The following AASDHPPT variants were observed in gnomAD, a reference collection of about 807,000 sequenced individuals.
AASDHPPT encodes the protein L-aminoadipate-semialdehyde dehydrogenase-phosphopantetheinyl transferase.
In AASDHPPT, 23 loss-of-function variants were observed where a neutral mutation model predicts 36.4. The ratio of observed to expected loss-of-function variants is 0.63; its 90% confidence interval spans 0.45 to 0.89. AASDHPPT has a LOEUF of 0.89. Ranked by LOEUF, AASDHPPT falls within the 40% of genes least tolerant of loss-of-function variation. The probability of loss-of-function intolerance (pLI) is 0.00; values close to 1 mark genes in which losing one functional copy is unlikely to be tolerated. For synonymous variants in AASDHPPT, 115 were observed against 128.0 expected, an observed-to-expected ratio of 0.90 and a Z score of 0.68; for missense variants, 377 against 378.2, an observed-to-expected ratio of 1.00 and a Z score of 0.03.
chr11:106,084,305 A>T (rs1438831022), intron 2 of AASDHPPT, among the ~76,000 whole-genome samples: 1 of 152,184 alleles, frequency 6.6e-6, no homozygotes, highest in Non-Finnish European at 1.5e-5. Context: ...TGTTTATAGT[A>T]CTCTATCCAA....
chr11:106,098,488 AG>A lies in AASDHPPT; in HGVS notation c.*1583del, dbSNP rs1306324459. 1 of 151,888 alleles carries A rather than the reference AG, an allele frequency of 6.6e-6. No individual in the cohort carries two copies. The highest frequency in any genetic ancestry group is 1.5e-5 in the Non-Finnish European group (1 of 67,896). The allele number at this position is 151,888 out of a possible 1,614,324, so 9.4% of individuals were successfully genotyped here. A position where few individuals can be genotyped will look rare whatever the true frequency, so the allele number is the denominator to read the frequency against. On this transcript the variant is annotated 3_prime_UTR_variant, in exon 6 of 6. Coordinates refer to ENST00000278618, the MANE Select transcript of AASDHPPT (RefSeq NM_015423.3). ...AAAAGTGTGCAAATTGTATAAAATT[AG>A]GTACTTCGATTAGTAAAAGAAAAAA...
intron 2 of AASDHPPT, among the ~76,000 whole-genome samples, chr11:106,083,467 G>C (rs1441288894): frequency 6.6e-6 from 1 of 152,124 alleles, no homozygotes; most frequent in Non-Finnish European, 1.5e-5. Flanking sequence ...ACCAAAATAT[G>C]AAAAATTCTG....
At chr11:106,090,701 A>G in intron 3 of AASDHPPT, 23 bp downstream of exon 3, 1 of 1,576,792 alleles carries the variant, frequency 6.3e-7, no homozygotes, top group Non-Finnish European at 8.6e-7. Context: ...CTAATTTTGA[A>G]AGCAAAAGTC....
chr11:106,096,965 A>C lies in AASDHPPT; in HGVS notation c.*58A>C. 6.9e-7 allele frequency: 1 copy of C among 1,458,050 alleles called. No homozygotes were observed. The highest frequency in any genetic ancestry group is 9.2e-7 in the Non-Finnish European group (1 of 1,092,430). The allele number at this position is 1,458,050 out of a possible 1,614,324, so 90.3% of individuals were successfully genotyped here. A position where few individuals can be genotyped will look rare whatever the true frequency, so the allele number is the denominator to read the frequency against. ...TGTTTGTGATCTTCCGTATTCACTG[A>C]AAAATAAATGCTTGTTTAGTATCAA... On this transcript the variant is annotated 3_prime_UTR_variant, in exon 6 of 6. Transcript: ENST00000278618.
intron 5 of AASDHPPT, among the ~76,000 whole-genome samples, chr11:106,096,118 T>A (rs1416540970): frequency 6.6e-6 from 1 of 152,114 alleles, no homozygotes; most frequent in African/African-American, 2.4e-5. Flanking sequence ...ACAACATAGC[T>A]ATGAGACCAG....
intron 2 of AASDHPPT, among the ~76,000 whole-genome samples, chr11:106,082,022 A>T (rs7131047): frequency 0.61 from 92,300 of 151,594 alleles, 31,736 homozygotes; most frequent in Non-Finnish European, 0.77. Flanking sequence ...ATAATAATAA[A>T]AAAGAAAAAT....
At chr11:106,081,069 CAG>C (rs1160312599) in intron 2 of AASDHPPT, among the ~76,000 whole-genome samples, 1 of 152,184 alleles carries the variant, frequency 6.6e-6, no homozygotes, top group African/African-American at 2.4e-5. Flanking sequence ...TTAGCCACAT[CAG>C]AGTTTGATCA....
rs922345759 is a variant in AASDHPPT, at chr11:106,098,607, T to C, written c.*1700T>C. On this transcript the variant is annotated 3_prime_UTR_variant, in exon 6 of 6. Transcript: ENST00000278618. ...CAAGTAGCATTTATAATAGAGGAAG[T>C]ATTGTTATCCCTAGCATGAGTGTAA... The C allele has an allele frequency of 1.7e-4, 26 of 152,074 alleles. No individual in the cohort carries two copies. The highest frequency in any genetic ancestry group is 6.3e-4 in the African/African-American group (26 of 41,540). The allele number at this position is 152,074 out of a possible 1,614,324, so 9.4% of individuals were successfully genotyped here.
intron 2 of AASDHPPT, among the ~76,000 whole-genome samples, chr11:106,082,142 A>C (rs1466248645): frequency 6.6e-6 from 1 of 152,128 alleles, no homozygotes; most frequent in Non-Finnish European, 1.5e-5. Flanking sequence ...TTGACTAATC[A>C]CAATGTCTAG....
rs182190891 is a variant in AASDHPPT at position 106,084,002 on chromosome 11, T to C, written c.409+4310T>C. 1.4e-3 allele frequency among the ~76,000 whole-genome samples: 218 copies of C among 152,150 alleles called. 2 individuals are homozygous for C. The highest frequency in any genetic ancestry group is 5.0e-3 in the African/African-American group (206 of 41,546). On this transcript the variant is annotated intron_variant, in intron 2 of 5. Transcript: ENST00000278618. The stretch of plus-strand genomic sequence containing the variant: ...TAACAAATTTGGTAAGGTGTCAATA[T>C]CCATAATATATAAAGAGCTTCTATG...
chr11:106,088,671 T>C (rs776358925), intron 2 of AASDHPPT, among the ~76,000 whole-genome samples: 5 of 152,090 alleles, frequency 3.3e-5, no homozygotes, highest in Admixed American at 6.6e-5. Flanking sequence ...TATTGATGCA[T>C]TGAACAAAAA....
intron 2 of AASDHPPT, chr11:106,086,245 A>C (rs1861195683): frequency 6.6e-6 from 1 of 152,196 alleles, no homozygotes; most frequent in Admixed American, 6.5e-5. Flanking sequence ...TCTAAGAAAG[A>C]ATCCTTCCTT....
At position 106,091,305 on chromosome 11, in the gene AASDHPPT, C is replaced by A. The variant is rs771184832; in HGVS notation, c.532-11C>A. ...CCAAATTCTAAGAGAAAATGTCTTT[C>A]TGTATCTTAGGCACTTAAGGAAAGC... On this transcript the variant is annotated splice_polypyrimidine_tract_variant and intron_variant, in intron 3 of 5. Transcript: ENST00000278618. 6.4e-7 allele frequency: 1 copy of A among 1,573,398 alleles called. No homozygotes were observed.
chr11:106,095,089 G>T lies in AASDHPPT; in HGVS notation c.765+435G>T, dbSNP rs571018420. On this transcript the variant is annotated intron_variant, in intron 5 of 5. Coordinates refer to ENST00000278618, the MANE Select transcript of AASDHPPT (RefSeq NM_015423.3). ...TGCAGTGCACCAAGATCGCACCATT[G>T]CACTCCAGCCTGGGAAACAAGCGAA... Among the ~76,000 whole-genome samples, 9 of 152,146 alleles carry T rather than the reference G, an allele frequency of 5.9e-5. No individual in the cohort carries two copies. The South Asian group carries it at 1.9e-3, about 32-fold the overall frequency.
chr11:106,077,989 G>A, intron 1 of AASDHPPT, 96 bp downstream of exon 1: 2 of 1,437,762 alleles, frequency 1.4e-6, no homozygotes, highest in Non-Finnish European at 1.9e-6. Flanking sequence ...CGCTGGCCGC[G>A]ACCCTCTCGC....
intron 2 of AASDHPPT, among the ~76,000 whole-genome samples, chr11:106,080,711 A>G (rs1000110129): frequency 1.3e-5 from 2 of 152,224 alleles, no homozygotes; most frequent in Admixed American, 1.3e-4. Flanking sequence ...GAAAGCTATT[A>G]ATAAAAGAAC....
At chr11:106,082,296 T>TAATGAAGA (rs372331448) in intron 2 of AASDHPPT, among the ~76,000 whole-genome samples, 296 of 152,342 alleles carry the variant, frequency 1.9e-3, no homozygotes, top group African/African-American at 6.8e-3. Flanking sequence ...CATGATTTCT[T>TAATGAAGA]AATGAAGATG....
chr11:106,081,729 A>G (rs995437409), intron 2 of AASDHPPT, among the ~76,000 whole-genome samples: 3 of 152,152 alleles, frequency 2.0e-5, no homozygotes, highest in Admixed American at 2.0e-4. Flanking sequence ...GCTATGGTCA[A>G]TGCTAGATAA....
chr11:106,078,007 C>A, intron 1 of AASDHPPT, 114 bp downstream of exon 1: 1 of 1,325,810 alleles, frequency 7.5e-7, no homozygotes, highest in Non-Finnish European at 1.0e-6. Flanking sequence ...CGCTGTGGAG[C>A]CTGTGGCCGG....
Sources: allele counts gnomAD v4.1 joint callset (sites outside exome capture counted in the v4.1 genomes callset), GRCh38; gene constraint gnomAD v4.1.1; transcripts MANE v1.5; gene names NCBI Gene and HGNC (gene_info 2026-07-23, HGNC 2026-07-21).